The following SLC27A2 variants were observed in gnomAD, a reference collection of about 807,000 sequenced individuals.
The protein encoded by SLC27A2 is long-chain fatty acid transport protein 2.
In SLC27A2, 54 loss-of-function variants were observed where a neutral mutation model predicts 60.0. The observed-to-expected ratio is 0.90, with a 90% CI of 0.72 to 1.13. The LOEUF is 1.13. SLC27A2 is among the 50% of genes most tolerant of loss of function. The pLI is 0.00. For synonymous variants in SLC27A2, 297 were observed against 297.6 expected (o/e 1.00, Z 0.02); for missense variants, 739 against 777.6 (o/e 0.95, Z 0.59).
rs529552229 is a variant in SLC27A2, at chr15:50,182,390, C to T, written c.-38C>T. Reference sequence around the variant, plus strand: ...GCCGCGCTGCACGCCCGGGGTGAACCCTCTGCCCTCGCTGGGACAGAGGGC... The same window carrying T: ...GCCGCGCTGCACGCCCGGGGTGAACTCTCTGCCCTCGCTGGGACAGAGGGC... On this transcript the variant is annotated 5_prime_UTR_variant, in exon 1 of 10. Transcript: ENST00000267842. 1.3e-6 allele frequency: 2 copies of T among 1,538,194 alleles called. No homozygotes were observed. Among genetic ancestry groups the T allele is most frequent in the African/African-American group, 2.7e-5 (2 of 72,932 alleles).
intron 4 of SLC27A2, among the ~76,000 whole-genome samples, chr15:50,215,982 A>C (rs1393517761): frequency 6.6e-6 from 1 of 152,246 alleles, no homozygotes; most frequent in Non-Finnish European, 1.5e-5. Flanking sequence ...TAAACTAAAG[A>C]ACGTTTGCAC....
rs781057247 is a variant in SLC27A2 at position 50,202,513 on chromosome 15, C to T, written c.715C>T (p.His239Tyr). The T allele has an allele frequency of 6.2e-7, 1 of 1,614,204 alleles. No individual in the cohort carries two copies. The highest frequency in any genetic ancestry group is 1.7e-5 in the Admixed American group (1 of 60,036). Residue 239 changes from histidine to tyrosine, a missense_variant, in exon 3 of 10, where the codon CAT becomes TAT. Coordinates refer to ENST00000267842, the MANE Select transcript of SLC27A2 (RefSeq NM_003645.4). ...TCTTCCAAAAGCAGCCATGATCACT[C>T]ATCAGCGCATATGGTATGGAACTGG... ...TGLPKAAMIT[H>Y]QRIWYGTGLT...
At position 50,236,193 on chromosome 15, in the gene SLC27A2, A is replaced by C. The variant is rs1455742772; in HGVS notation, c.*97A>C. On this transcript the variant is annotated 3_prime_UTR_variant, in exon 10 of 10. Transcript: ENST00000267842. The stretch of plus-strand genomic sequence containing the variant: ...TTAATTTGATTGAAGATTGTGAGGA[A>C]ATTTTGTAGGAAATTTGCATACCCG... The C allele has an allele frequency of 1.8e-6, 2 of 1,125,194 alleles. No individual in the cohort carries two copies. Among genetic ancestry groups the C allele is most frequent in the Non-Finnish European group, 2.5e-6 (2 of 811,168 alleles). The allele number at this position is 1,125,194 out of a possible 1,614,324, so 69.7% of individuals were successfully genotyped here. A position where few individuals can be genotyped will look rare whatever the true frequency, so the allele number is the denominator to read the frequency against.
chr15:50,189,395 G>A (rs2044954898), intron 1 of SLC27A2, among the ~76,000 whole-genome samples: 1 of 152,152 alleles, frequency 6.6e-6, no homozygotes, highest in African/African-American at 2.4e-5. Context: ...GGACCTGTGA[G>A]TAGGGTGGTG....
rs772311878 is a variant in SLC27A2 at position 50,182,482 on chromosome 15, G to C, written c.55G>C (p.Val19Leu). 20 of 1,610,566 alleles carry C rather than the reference G, an allele frequency of 1.2e-5. No homozygotes were observed. The highest frequency in any genetic ancestry group is 1.7e-5 in the Non-Finnish European group (20 of 1,178,586). The change falls in exon 1 of 10, where the codon GTG becomes CTG. Residue 19 changes from valine to leucine, a missense_variant. Physicochemically the swap from Val to Leu is conservative, Grantham distance 32. Transcript: ENST00000267842. ...GGGACTGCTGTTCCTGCCGCTCCTG[G>C]TGAACCTCTGCTGCCCATACTTCTT... Reference protein sequence around the residue: ...LAGLLFLPLLVNLCCPYFFQD... With the variant: ...LAGLLFLPLLLNLCCPYFFQD...
chr15:50,225,783 G>T (rs935289351), intron 5 of SLC27A2, among the ~76,000 whole-genome samples: 10 of 152,132 alleles, frequency 6.6e-5, no homozygotes, highest in Admixed American at 6.5e-4. Flanking sequence ...CAGAATAGTA[G>T]TTAACTTCAC....
Position 50,227,203 on chromosome 15 carries a change from CA to C in SLC27A2, c.1457+30del, listed in dbSNP as rs138903073. 1.8e-3 allele frequency: 2,883 copies of C among 1,575,446 alleles called. 46 individuals carry two copies. In the African/African-American group the frequency reaches 0.035, roughly 19 times the overall value. On this transcript the variant is annotated intron_variant, in intron 7 of 9. Coordinates refer to ENST00000267842, the MANE Select transcript of SLC27A2 (RefSeq NM_003645.4). ...GGTTGGTTTTTCTGAATCATTGAGC[CA>C]AAAACAAACACACGCACAGTTTGGC...
In SLC27A2 at chr15:50,203,020, A is replaced by AAATAT. The variant is rs369562703; in HGVS notation, c.847+376_847+377insATATA. On this transcript the variant is annotated intron_variant, in intron 3 of 9. Transcript: ENST00000267842. ...CATAGCAAACCTCATCTCTAAAAAA[A>AAATAT]ATATATATATATATATATATAGCCA... is the stretch of plus-strand genomic sequence containing the variant. Among the ~76,000 whole-genome samples, 205 of 147,792 alleles carry AAATAT rather than the reference A, an allele frequency of 1.4e-3. 1 individual carries two copies. Among genetic ancestry groups the AAATAT allele is most frequent in the African/African-American group, 1.8e-3 (73 of 39,876 alleles).
chr15:50,222,003 A>C (rs577975358), intron 4 of SLC27A2: 2 of 152,208 alleles, frequency 1.3e-5, no homozygotes, highest in Non-Finnish European at 2.9e-5. Context: ...TTTGTTAACA[A>C]TTAAAAATAA....
intron 1 of SLC27A2, among the ~76,000 whole-genome samples, chr15:50,189,065 G>T (rs2044952349): frequency 6.6e-6 from 1 of 152,082 alleles, no homozygotes; most frequent in African/African-American, 2.4e-5. Flanking sequence ...ATACATAATG[G>T]ATAGATAATG....
At position 50,197,517 on chromosome 15, in the gene SLC27A2, G is replaced by C; in HGVS notation, c.496G>C (p.Glu166Gln). ...LVSPELQAAV[E>Q]EILPSLKKDD... ...AAATTAAGAACTACAAGCAGCTGTCGAAGAGATACTGCCAAGCCTTAAAAA... is the reference window on the plus strand; with the variant it reads ...AAATTAAGAACTACAAGCAGCTGTCCAAGAGATACTGCCAAGCCTTAAAAA... Residue 166 changes from glutamate to glutamine, a missense_variant, in exon 2 of 10, where the codon GAA (glutamate) becomes CAA (glutamine). Glu to Gln is a conservative substitution (Grantham distance 29). Coordinates refer to ENST00000267842, the MANE Select transcript of SLC27A2 (RefSeq NM_003645.4). The C allele has an allele frequency of 1.2e-6, 2 of 1,613,474 alleles. No individual in the cohort carries two copies. Among genetic ancestry groups the C allele is most frequent in the South Asian group, 1.1e-5 (1 of 91,040 alleles).
chr15:50,194,798 T>C (rs975955868), intron 1 of SLC27A2, among the ~76,000 whole-genome samples: 2 of 152,070 alleles, frequency 1.3e-5, no homozygotes, highest in East Asian at 1.9e-4. Context: ...GACAAAATTT[T>C]TTAAAAAATG....
At position 50,182,815 on chromosome 15, in the gene SLC27A2, G is replaced by A; in HGVS notation, c.388G>A (p.Ala130Thr). Residue 130 changes from alanine to threonine, a missense_variant, in exon 1 of 10, where the codon GCC becomes ACC. By Grantham distance (58) the Ala-to-Thr change is moderately conservative (BLOSUM62 0). Coordinates refer to ENST00000267842, the MANE Select transcript of SLC27A2 (RefSeq NM_003645.4). ...LWLGLVKLGC[A>T]MACLNYNIRA... ...GCTGGGGCTGGTGAAGCTGGGCTGTGCCATGGCGTGCCTCAATTACAACAT... is the reference window on the plus strand; with the variant it reads ...GCTGGGGCTGGTGAAGCTGGGCTGTACCATGGCGTGCCTCAATTACAACAT... 6.2e-7 allele frequency: 1 copy of A among 1,613,488 alleles called. No individual in the cohort carries two copies. Among genetic ancestry groups the A allele is most frequent in the East Asian group, 2.2e-5 (1 of 44,868 alleles).
chr15:50,185,668 C>T (rs891868937), intron 1 of SLC27A2, among the ~76,000 whole-genome samples: 4 of 118,168 alleles, frequency 3.4e-5, no homozygotes, highest in Non-Finnish European at 6.4e-5. Flanking sequence ...CTCGCTCTTT[C>T]GCCCAGGCCA....
intron 7 of SLC27A2, 56 bp from the exon 8 acceptor site, chr15:50,228,889 T>G: frequency 1.6e-6 from 2 of 1,214,892 alleles, no homozygotes; most frequent in Non-Finnish European, 2.4e-6. Flanking sequence ...TCTCCGACAT[T>G]GCAACCTGGG....
chr15:50,222,846 A>G lies in SLC27A2; in HGVS notation c.973-119A>G, dbSNP rs186244510. The G allele has an allele frequency of 6.2e-6, 5 of 812,464 alleles. No individual in the cohort carries two copies. The Admixed American group carries it at 1.5e-4, about 24-fold the overall frequency. The allele number at this position is 812,464 out of a possible 1,614,324, so 50.3% of individuals were successfully genotyped here. ...AGGGGCATTTATAACCAACATAAAT[A>G]TGTAATAAAGGCAATGTCAGTATAA... On this transcript the variant is annotated intron_variant, in intron 4 of 9. Coordinates refer to ENST00000267842, the MANE Select transcript of SLC27A2 (RefSeq NM_003645.4).
intron 1 of SLC27A2, among the ~76,000 whole-genome samples, chr15:50,192,618 C>A (rs1488705628): frequency 6.6e-6 from 1 of 151,460 alleles, no homozygotes; most frequent in Non-Finnish European, 1.5e-5. Flanking sequence ...AATCATGGCT[C>A]ACTGCAGCCT....
intron 1 of SLC27A2, among the ~76,000 whole-genome samples, chr15:50,184,638 C>G (rs2044904616): frequency 6.6e-6 from 1 of 151,796 alleles, no homozygotes; most frequent in Non-Finnish European, 1.5e-5. Flanking sequence ...GAGTTCAAGA[C>G]TAGCCTGGCC....
Position 50,182,881 on chromosome 15 carries a change from G to T in SLC27A2, c.454G>T (p.Ala152Ser), listed in dbSNP as rs373559973. The part of the protein sequence containing the change: ...SLLHCFQCCG[A>S]KVLLVSPELQ... ...GCTGCACTGCTTCCAGTGCTGCGGG[G>T]CGAAGGTGCTGCTGGTGTCGCCAGG... The change falls in exon 1 of 10, where the codon GCG becomes TCG. Residue 152 changes from alanine to serine, a missense_variant. By Grantham distance (99) the Ala-to-Ser change is moderately conservative. Coordinates refer to ENST00000267842, the MANE Select transcript of SLC27A2 (RefSeq NM_003645.4). 6.2e-7 allele frequency: 1 copy of T among 1,610,436 alleles called. No individual in the cohort carries two copies.
Sources: gnomAD v4.1 joint callset for allele counts (sites outside exome capture counted in the v4.1 genomes callset) on GRCh38, gnomAD v4.1.1 for gene constraint, MANE v1.5 for transcripts, NCBI Gene and HGNC (gene_info 2026-07-23, HGNC 2026-07-21) for gene names.